Variants in HPSE2 observed in about 807,000 individuals in gnomAD.
HPSE2 encodes the protein inactive heparanase-2.
A neutral mutation model predicts 60.5 loss-of-function variants in HPSE2; 38 were observed. The ratio of observed to expected loss-of-function variants is 0.63; its 90% CI spans 0.48 to 0.82. The LOEUF (loss-of-function observed/expected upper bound fraction) is 0.82, where lower values mean the gene tolerates loss of function less well. Among genes scored for constraint, HPSE2 ranks in the 40% least tolerant of loss-of-function variants. The pLI is 0.00. For synonymous variants in HPSE2, 295 were observed against 293.2 expected (o/e 1.01, Z -0.06); for missense variants, 713 against 740.4 (o/e 0.96, Z 0.43).
chr10:98,627,935 A>G (rs1456064130), intron 7 of HPSE2, among the ~76,000 whole-genome samples: 3 of 152,244 alleles, frequency 2.0e-5, no homozygotes, highest in Non-Finnish European at 2.9e-5. Context: ...TGGATAACTC[A>G]CACAAACATA....
intron 3 of HPSE2, among the ~76,000 whole-genome samples, chr10:99,107,283 C>T (rs905903786): frequency 6.6e-6 from 1 of 152,042 alleles, no homozygotes; most frequent in Non-Finnish European, 1.5e-5. Context: ...GTATTTAAAC[C>T]TTCCCTTAAA....
intron 3 of HPSE2, among the ~76,000 whole-genome samples, chr10:99,053,247 A>G (rs1958030988): frequency 6.6e-6 from 1 of 152,092 alleles, no homozygotes; most frequent in Non-Finnish European, 1.5e-5. Flanking sequence ...GAGAAGTTAA[A>G]TAAAATTATG....
intron 3 of HPSE2, among the ~76,000 whole-genome samples, chr10:98,793,183 A>G (rs1950695792): frequency 6.6e-6 from 1 of 152,192 alleles, no homozygotes; most frequent in Non-Finnish European, 1.5e-5. Flanking sequence ...TACAAGTTAA[A>G]TTTGAAAACT....
intron 6 of HPSE2, among the ~76,000 whole-genome samples, chr10:98,650,449 A>G (rs1191234992): frequency 2.0e-5 from 3 of 152,244 alleles, no homozygotes; most frequent in Non-Finnish European, 2.9e-5. Context: ...TTTGACCAAC[A>G]GTTCATAATA....
chr10:99,233,138 C>T (rs751148644), intron 1 of HPSE2, among the ~76,000 whole-genome samples: 18 of 152,202 alleles, frequency 1.2e-4, no homozygotes, highest in Non-Finnish European at 2.4e-4. Context: ...TTTCCCAAAT[C>T]CCCGGACGGA....
At chr10:98,681,352 T>G (rs1307763700) in intron 6 of HPSE2, among the ~76,000 whole-genome samples, 1 of 152,156 alleles carries the variant, frequency 6.6e-6, no homozygotes, top group Non-Finnish European at 1.5e-5. Flanking sequence ...TTTAAAAAAA[T>G]ATTTTATAAT....
chr10:99,078,043 T>A (rs1176471099), intron 3 of HPSE2, among the ~76,000 whole-genome samples: 1 of 152,122 alleles, frequency 6.6e-6, no homozygotes, highest in East Asian at 1.9e-4. Flanking sequence ...CCGTTCCATG[T>A]GATATGGGCC....
At chr10:99,114,618 T>C (rs1844598948) in intron 3 of HPSE2, among the ~76,000 whole-genome samples, 1 of 151,996 alleles carries the variant, frequency 6.6e-6, no homozygotes, top group East Asian at 1.9e-4. Context: ...AGTCTAATCC[T>C]GAGAAAAGAA....
chr10:98,553,874 G>A (rs1443640379), intron 9 of HPSE2, among the ~76,000 whole-genome samples: 1 of 151,644 alleles, frequency 6.6e-6, no homozygotes, highest in Non-Finnish European at 1.5e-5. Context: ...ATCTTCAGGT[G>A]GACAGCCACA....
At chr10:99,105,429 T>C (rs1241594571) in intron 3 of HPSE2, among the ~76,000 whole-genome samples, 1 of 150,896 alleles carries the variant, frequency 6.6e-6, no homozygotes, top group African/African-American at 2.4e-5. Flanking sequence ...TTTAATCAGG[T>C]TATTTTTTTT....
At chr10:98,845,505 TGAGA>T (rs952232276) in intron 3 of HPSE2, among the ~76,000 whole-genome samples, 51 of 152,340 alleles carry the variant, frequency 3.3e-4, no homozygotes, top group African/African-American at 1.2e-3. Context: ...CAAATTTTCA[TGAGA>T]GAATCATAAC....
chr10:98,963,314 T>C (rs1260327541), intron 3 of HPSE2, among the ~76,000 whole-genome samples: 2 of 152,186 alleles, frequency 1.3e-5, no homozygotes, highest in South Asian at 2.1e-4. Context: ...GCGTAAAGTA[T>C]AAAAATTAAT....
intron 6 of HPSE2, among the ~76,000 whole-genome samples, chr10:98,680,846 C>T (rs1387581329): frequency 6.6e-6 from 1 of 152,076 alleles, no homozygotes; most frequent in Non-Finnish European, 1.5e-5. Flanking sequence ...ACCTCCGCCT[C>T]CTGGGCTCAA....
At chr10:99,190,140 C>G (rs979830286) in intron 2 of HPSE2, among the ~76,000 whole-genome samples, 1 of 152,168 alleles carries the variant, frequency 6.6e-6, no homozygotes, top group Non-Finnish European at 1.5e-5. Context: ...TGTTAACTAC[C>G]TACTATGCAT....
At chr10:99,014,830 T>C (rs1416710162) in intron 3 of HPSE2, among the ~76,000 whole-genome samples, 1 of 152,156 alleles carries the variant, frequency 6.6e-6, no homozygotes, top group Non-Finnish European at 1.5e-5. Flanking sequence ...TGGGATCTAA[T>C]TAAACTCAAG....
At chr10:99,128,114 T>C (rs768950264) in intron 3 of HPSE2, among the ~76,000 whole-genome samples, 55 of 152,164 alleles carry the variant, frequency 3.6e-4, no homozygotes, top group Non-Finnish European at 7.8e-4. Flanking sequence ...AGGCAACAAT[T>C]AGAATACAGA....
At chr10:98,916,286 T>G (rs550360548) in intron 3 of HPSE2, among the ~76,000 whole-genome samples, 1 of 152,346 alleles carries the variant, frequency 6.6e-6, no homozygotes, top group East Asian at 1.9e-4. Context: ...GCTCTTGATT[T>G]ATCTGCACAG....
chr10:98,541,708 G>A lies in HPSE2; in HGVS notation c.1321-51512C>T, dbSNP rs929142505. Reference sequence around the variant, plus strand: ...GAGGGTCCTACACCCACGGAGTCTTGCTGATTGCTAGCACAGCAGTCTGAG... The same window carrying A: ...GAGGGTCCTACACCCACGGAGTCTTACTGATTGCTAGCACAGCAGTCTGAG... On this transcript the variant is annotated intron_variant, in intron 9 of 11. Transcript: ENST00000370552. 1.1e-4 allele frequency among the ~76,000 whole-genome samples: 16 copies of A among 152,292 alleles called. No individual in the cohort carries two copies. The South Asian group carries it at 2.3e-3, about 22-fold the overall frequency.
At chr10:99,098,872 T>C (rs1275934863) in intron 3 of HPSE2, among the ~76,000 whole-genome samples, 1 of 152,194 alleles carries the variant, frequency 6.6e-6, no homozygotes, top group Non-Finnish European at 1.5e-5. Flanking sequence ...AGTGCTACGG[T>C]TCTCATAAAC....
Sources: gnomAD v4.1 joint callset for allele counts (sites outside exome capture counted in the v4.1 genomes callset) on GRCh38, gnomAD v4.1.1 for gene constraint, MANE v1.5 for transcripts, NCBI Gene and HGNC (gene_info 2026-07-23, HGNC 2026-07-21) for gene names.